ZNF821: variants seen among roughly 807,000 people sequenced by gnomAD.
ZNF821 encodes the protein zinc finger protein 821.
A neutral mutation model predicts 44.3 loss-of-function variants in ZNF821; 16 were observed. The observed-to-expected ratio is 0.36, with a 90% CI of 0.24 to 0.55. ZNF821 has a LOEUF of 0.55. Among genes scored for constraint, ZNF821 ranks in the 20% least tolerant of loss-of-function variants. ZNF821 has a pLI of 0.86. For missense variants in ZNF821, 436 were observed against 547.6 expected (o/e 0.80, Z 2.03); for synonymous variants, 204 against 197.6 (o/e 1.03, Z -0.27).
rs541490300 is a variant in ZNF821 at position 71,875,000 on chromosome 16, C to T, written c.40+4907G>A. Among the ~76,000 whole-genome samples, 9 of 152,212 alleles carry T rather than the reference C, an allele frequency of 5.9e-5. No homozygotes were observed. In the East Asian group the frequency reaches 1.7e-3, roughly 29 times the overall value. On this transcript the variant is annotated intron_variant, in intron 3 of 7. Coordinates refer to ENST00000425432, the MANE Select transcript of ZNF821 (RefSeq NM_001201552.2). ...CAAATCTCAGTTTTTCTTTTTTAGT[C>T]AAGCTTAGTGTATCACCTGAGAAGC...
intron 3 of ZNF821, among the ~76,000 whole-genome samples, chr16:71,876,729 T>C (rs1203991185): frequency 1.1e-4 from 17 of 152,106 alleles, no homozygotes; most frequent in Admixed American, 1.1e-3. Flanking sequence ...CACCTCTGTC[T>C]CCCAAGTAGC....
At chr16:71,881,586 C>T (rs1433888206) in intron 2 of ZNF821, 3 of 152,160 alleles carry the variant, frequency 2.0e-5, no homozygotes, top group Non-Finnish European at 4.4e-5. Context: ...TTGTTTTATT[C>T]ACGGAAGCAG....
At chr16:71,879,170 G>A (rs1475145491) in intron 3 of ZNF821, among the ~76,000 whole-genome samples, 1 of 152,082 alleles carries the variant, frequency 6.6e-6, no homozygotes, top group African/African-American at 2.4e-5. Flanking sequence ...AGCCTTCCAC[G>A]TGTAGAGTTA....
chr16:71,882,970 G>A, intron 2 of ZNF821: 2 of 343,106 alleles, frequency 5.8e-6, no homozygotes, highest in Non-Finnish European at 1.2e-5. Context: ...CCTGAACATG[G>A]GCTGGGAAGA....
At chr16:71,864,515 C>G (rs113450973) in intron 5 of ZNF821, among the ~76,000 whole-genome samples, 1 of 152,198 alleles carries the variant, frequency 6.6e-6, no homozygotes, top group African/African-American at 2.4e-5. Context: ...CTGTCATGTT[C>G]CTTTCAGGAA....
intron 2 of ZNF821, 140 bp downstream of exon 2, chr16:71,883,071 G>A (rs1231029998): frequency 2.2e-6 from 1 of 455,990 alleles, no homozygotes. Flanking sequence ...AGAGTCCTCG[G>A]GAAGGTGCAA....
Position 71,860,428 on chromosome 16 carries a change from C to G in ZNF821, c.829G>C (p.Glu277Gln). The change falls in exon 8 of 8, where the codon GAG becomes CAG. Residue 277 changes from glutamate (E) to glutamine (Q), a missense_variant. By Grantham distance (29) the Glu-to-Gln change is conservative (BLOSUM62 2). Around this residue, in one of 5 missense-constraint regions of ZNF821, gnomAD observed 68 missense variants for 57.0 expected, o/e 1.19. Transcript: ENST00000425432. The surrounding 1 kb of genome is among the most constrained non-coding windows in gnomAD (Gnocchi z 7.3). ...LEVRLQRLER[E>Q]RTAKKSRRDN... is the part of the protein sequence containing the mutation. ...CGCCGGCTCTTCTTGGCCGTGCGCT[C>G]TCGTTCCAGCCGCTGCAGCCGTACT... 6.2e-7 allele frequency: 1 copy of G among 1,613,624 alleles called. No homozygotes were observed. Among genetic ancestry groups the G allele is most frequent in the Non-Finnish European group, 8.5e-7 (1 of 1,180,052 alleles).
chr16:71,893,400 G>C (rs1484230620), intron 1 of ZNF821, among the ~76,000 whole-genome samples: 1 of 151,520 alleles, frequency 6.6e-6, no homozygotes, highest in Non-Finnish European at 1.5e-5. Flanking sequence ...GACCTCAGGT[G>C]ATCCACTCGC....
chr16:71,890,277 T>C (rs1434181132), intron 1 of ZNF821, among the ~76,000 whole-genome samples: 1 of 152,142 alleles, frequency 6.6e-6, no homozygotes, highest in East Asian at 1.9e-4. Flanking sequence ...TTTCATTGTA[T>C]ATTCTTTAGT....
exon 1 of ZNF821, chr16:71,895,254 G>GA (rs2036937946): frequency 6.3e-6 from 1 of 158,442 alleles, no homozygotes; most frequent in Non-Finnish European, 1.4e-5. Flanking sequence ...AACAGCTGTG[G>GA]CTGGCCTCCC....
chr16:71,860,821 C>G lies in ZNF821; in HGVS notation c.585-149G>C. On this transcript the variant is annotated intron_variant, in intron 7 of 7. Coordinates refer to ENST00000425432, the MANE Select transcript of ZNF821 (RefSeq NM_001201552.2). This position sits in a 1 kb window ranked among gnomAD's most constrained non-coding sequence, Gnocchi z 7.3. ...TGCTTGGTGGACCTCTTCTGCTGCT[C>G]CATCCCTTCTCTTCGCGTGAGAGTT... 1 of 723,946 alleles carries G rather than the reference C, an allele frequency of 1.4e-6. No individual in the cohort carries two copies. The highest frequency in any genetic ancestry group is 2.0e-5 in the South Asian group (1 of 51,248). The allele number at this position is 723,946 out of a possible 1,614,324, so 44.8% of individuals were successfully genotyped here. A position where few individuals can be genotyped will look rare whatever the true frequency, so the allele number is the denominator to read the frequency against.
chr16:71,875,381 A>T (rs2035685392), intron 3 of ZNF821, among the ~76,000 whole-genome samples: 1 of 152,104 alleles, frequency 6.6e-6, no homozygotes, highest in South Asian at 2.1e-4. Flanking sequence ...TCCCAGGCTC[A>T]AGTGATTCTC....
Position 71,892,571 on chromosome 16 carries a change from A to AT in ZNF821, n.448+2317dup, listed in dbSNP as rs986384229. Among the ~76,000 whole-genome samples, 730 of 122,484 alleles carry AT rather than the reference A, an allele frequency of 6.0e-3. 2 individuals carry two copies. The highest frequency in any genetic ancestry group is 0.019 in the South Asian group (70 of 3,720). 80.4% of individuals were successfully genotyped at this position (122,484 alleles called of 152,430 possible). On this transcript the variant is annotated intron_variant and non_coding_transcript_variant, in intron 1 of 2. Coordinates refer to the ZNF821 transcript ENST00000561700. The stretch of plus-strand genomic sequence containing the variant: ...GTGTGAACCACCGTGCCCGGCCAAA[A>AT]TTTTTTTTTTTTTTTTTTGAGAGGG...
At chr16:71,870,087 G>T (rs1235339322) in intron 3 of ZNF821, among the ~76,000 whole-genome samples, 1 of 152,074 alleles carries the variant, frequency 6.6e-6, no homozygotes, top group Non-Finnish European at 1.5e-5. Context: ...CATGAGAAAT[G>T]GATACATACA....
chr16:71,869,471 T>C (rs1180279454), intron 3 of ZNF821, among the ~76,000 whole-genome samples: 1 of 152,196 alleles, frequency 6.6e-6, no homozygotes, highest in Non-Finnish European at 1.5e-5. Flanking sequence ...AATAATAGTT[T>C]GACACTTGCA....
chr16:71,878,397 G>A (rs563722643), intron 3 of ZNF821, among the ~76,000 whole-genome samples: 4 of 151,922 alleles, frequency 2.6e-5, no homozygotes, highest in Non-Finnish European at 5.9e-5. Flanking sequence ...GATTACAGGT[G>A]CAAGCCACCG....
chr16:71,876,590 C>A (rs1380594638), intron 3 of ZNF821, among the ~76,000 whole-genome samples: 5 of 151,914 alleles, frequency 3.3e-5, no homozygotes, highest in African/African-American at 9.7e-5. Context: ...TCATTTTTTT[C>A]TTTCTCTTTT....
chr16:71,872,342 G>A (rs556905562), intron 3 of ZNF821, among the ~76,000 whole-genome samples: 4 of 152,024 alleles, frequency 2.6e-5, no homozygotes, highest in African/African-American at 9.6e-5. Flanking sequence ...GGCCGGGCGC[G>A]GTGGCTCACG....
intron 1 of ZNF821, chr16:71,894,727 G>T: frequency 1.9e-6 from 1 of 532,648 alleles, no homozygotes; most frequent in South Asian, 3.1e-5. Flanking sequence ...GTAGCGATGC[G>T]GTTTCACTAT....
Sources: gnomAD v4.1 joint callset for allele counts (sites outside exome capture counted in the v4.1 genomes callset) on GRCh38, gnomAD v4.1.1 for gene constraint, gnomAD v4.1.1 regional missense constraint, Gnocchi (gnomAD v3.1) non-coding constraint, MANE v1.5 for transcripts, NCBI Gene and HGNC (gene_info 2026-07-23, HGNC 2026-07-21) for gene names.